Variants in LMBR1 observed in about 807,000 individuals in gnomAD.
LMBR1 encodes limb region 1 protein homolog.
Under a neutral mutation model 73.9 loss-of-function variants are expected in LMBR1, and 52 were observed. The observed-to-expected ratio is 0.70, with a 90% confidence interval of 0.56 to 0.89. The LOEUF is 0.89. Ranked by LOEUF, LMBR1 falls within the 40% of genes least tolerant of loss-of-function variation. LMBR1 has a pLI of 0.00. For synonymous variants in LMBR1, 215 were observed against 209.4 expected (o/e 1.03, Z -0.23); for missense variants, 539 against 579.8 (o/e 0.93, Z 0.72).
Position 156,685,283 on chromosome 7 carries a change from T to G in LMBR1, c.1388-1120A>C, listed in dbSNP as rs1327161013. 6.6e-6 allele frequency among the ~76,000 whole-genome samples: 1 copy of G among 152,224 alleles called. No individual in the cohort carries two copies. The highest frequency in any genetic ancestry group is 2.4e-5 in the African/African-American group (1 of 41,452). On this transcript the variant is annotated intron_variant, in intron 16 of 16. Transcript: ENST00000353442. This position sits in a 1 kb window ranked among gnomAD's most constrained non-coding sequence, Gnocchi z 4.1. ...AAAGGGCAGAAGAAAATGTAAGAGC[T>G]TCTGTGGCACTGGAGCGTCAAGCAC...
intron 1 of LMBR1, among the ~76,000 whole-genome samples, chr7:156,891,206 AAAAAAAT>A (rs1229050063): frequency 1.4e-4 from 13 of 93,766 alleles, no homozygotes; most frequent in African/African-American, 6.1e-4. Flanking sequence ...AAAAAAAAAA[AAAAAAAT>A]ATATATATAT....
intron 4 of LMBR1, among the ~76,000 whole-genome samples, chr7:156,816,932 T>C (rs1834004151): frequency 6.6e-6 from 1 of 152,160 alleles, no homozygotes; most frequent in Non-Finnish European, 1.5e-5. Flanking sequence ...ATTTGTAAAA[T>C]AAATATTAAT....
At chr7:156,820,842 C>T (rs1834671676) in intron 4 of LMBR1, among the ~76,000 whole-genome samples, 2 of 152,200 alleles carry the variant, frequency 1.3e-5, no homozygotes, top group African/African-American at 4.8e-5. Context: ...GCTGCTCTGC[C>T]TCCTGGGCCA....
intron 1 of LMBR1, among the ~76,000 whole-genome samples, chr7:156,843,693 A>T (rs761575116): frequency 1.3e-5 from 2 of 151,818 alleles, no homozygotes; most frequent in Non-Finnish European, 2.9e-5. Context: ...AAAATTAGCC[A>T]GGTGTGGTGG....
At chr7:156,884,425 A>G (rs1031482012) in intron 1 of LMBR1, among the ~76,000 whole-genome samples, 4 of 152,174 alleles carry the variant, frequency 2.6e-5, no homozygotes, top group Admixed American at 6.5e-5. Flanking sequence ...TCCAAATCAC[A>G]GAAATGACCA....
chr7:156,674,072 C>T (rs34768691), downstream of LMBR1, among the ~76,000 whole-genome samples: 878 of 152,312 alleles, frequency 5.8e-3, 5 homozygotes, highest in Non-Finnish European at 8.1e-3. Flanking sequence ...TGCTTCAAGC[C>T]GGATTCCATG....
In LMBR1 at chr7:156,784,001, T is replaced by G. The variant is rs1478096246; in HGVS notation, c.423+12388A>C. On this transcript the variant is annotated intron_variant, in intron 5 of 16. Coordinates refer to ENST00000353442, the MANE Select transcript of LMBR1 (RefSeq NM_022458.4). ...TTGTTATTTTGGGTTTTTTTCTGTT[T>G]TTTTTTTTTTTACAGCATCACACTA... is the stretch of plus-strand genomic sequence containing the variant. Among the ~76,000 whole-genome samples, 5 of 150,396 alleles carry G rather than the reference T, an allele frequency of 3.3e-5. No individual in the cohort carries two copies. In the South Asian group the frequency reaches 1.0e-3, roughly 31 times the overall value.
chr7:156,802,720 A>C (rs566691869), intron 4 of LMBR1, among the ~76,000 whole-genome samples: 2 of 152,234 alleles, frequency 1.3e-5, no homozygotes, highest in South Asian at 4.1e-4. Flanking sequence ...GAACATAAAC[A>C]CATCCATCAC....
chr7:156,696,715 C>T (rs567358817), intron 15 of LMBR1, among the ~76,000 whole-genome samples: 1 of 152,280 alleles, frequency 6.6e-6, no homozygotes, highest in East Asian at 1.9e-4. Flanking sequence ...CCACTGAATC[C>T]CTCCCACAGC....
At chr7:156,745,638 A>C (rs890858615) in intron 9 of LMBR1, among the ~76,000 whole-genome samples, 1 of 152,234 alleles carries the variant, frequency 6.6e-6, no homozygotes, top group African/African-American at 2.4e-5. Flanking sequence ...CCTTTGCAAC[A>C]CAGGGGCAAA....
At chr7:156,703,525 G>A (rs117611073) in intron 15 of LMBR1, among the ~76,000 whole-genome samples, 3,325 of 152,198 alleles carry the variant, frequency 0.022, 65 homozygotes, top group Middle Eastern at 0.048. Context: ...AACAAGGGAG[G>A]GAGCACTCCA....
chr7:156,872,479 C>G (rs938010909), intron 1 of LMBR1, among the ~76,000 whole-genome samples: 1 of 151,938 alleles, frequency 6.6e-6, no homozygotes, highest in Non-Finnish European at 1.5e-5. Context: ...GAAACCCCAT[C>G]TCTACTAAAA....
At chr7:156,816,278 T>C (rs901769953) in intron 4 of LMBR1, among the ~76,000 whole-genome samples, 1 of 152,152 alleles carries the variant, frequency 6.6e-6, no homozygotes, top group Non-Finnish European at 1.5e-5. Flanking sequence ...CAATCTTGGC[T>C]CACTGCAGCC....
intron 4 of LMBR1, among the ~76,000 whole-genome samples, chr7:156,817,403 T>C (rs963201682): frequency 1.3e-5 from 2 of 152,002 alleles, no homozygotes; most frequent in Admixed American, 1.3e-4. Context: ...CAACAAAGCA[T>C]AAGGCTTAGA....
chr7:156,723,105 C>T (rs1814958200), intron 15 of LMBR1, among the ~76,000 whole-genome samples: 1 of 152,010 alleles, frequency 6.6e-6, no homozygotes, highest in Non-Finnish European at 1.5e-5. Flanking sequence ...CTATTACACA[C>T]ACCAGTTTTT....
intron 1 of LMBR1, among the ~76,000 whole-genome samples, chr7:156,873,190 CAG>C (rs1238784626): frequency 2.0e-5 from 3 of 151,960 alleles, no homozygotes; most frequent in Non-Finnish European, 4.4e-5. Flanking sequence ...CAGATGTGTT[CAG>C]AGTTTCTTCC....
Position 156,669,261 on chromosome 7 carries a change from G to GCTGCAGGGCACGCTTC in LMBR1, n.877_892dup, listed in dbSNP as rs796140919. The GCTGCAGGGCACGCTTC allele has an allele frequency of 2.2e-4, 34 of 152,390 alleles. No homozygotes were observed. Among genetic ancestry groups the GCTGCAGGGCACGCTTC allele is most frequent in the African/African-American group, 7.7e-4 (32 of 41,586 alleles). 9.4% of individuals were successfully genotyped at this position (152,390 alleles called of 1,614,324 possible). On this transcript the variant is annotated non_coding_transcript_exon_variant, in exon 5 of 5. Coordinates refer to the LMBR1 transcript ENST00000430825. This position sits in a 1 kb window ranked among gnomAD's most constrained non-coding sequence, Gnocchi z 4.2. ...GAGGCCGCTCGGGTGGTTCGCGCCT[G>GCTGCAGGGCACGCTTC]CTGCAGGGCACGCTTCCTGCAGGGA...
intron 5 of LMBR1, among the ~76,000 whole-genome samples, chr7:156,782,417 G>A (rs908822539): frequency 2.0e-5 from 3 of 152,028 alleles, no homozygotes; most frequent in Non-Finnish European, 4.4e-5. Flanking sequence ...CAGCTCTTCC[G>A]TTTTACCTTT....
At chr7:156,802,264 T>C (rs746018819) in intron 4 of LMBR1, among the ~76,000 whole-genome samples, 2 of 152,252 alleles carry the variant, frequency 1.3e-5, no homozygotes, top group Non-Finnish European at 2.9e-5. Context: ...ATTACAGGCA[T>C]GGGCCACCAC....
Sources: allele counts gnomAD v4.1 joint callset (sites outside exome capture counted in the v4.1 genomes callset), GRCh38; gene constraint gnomAD v4.1.1; non-coding constraint Gnocchi (gnomAD v3.1); transcripts MANE v1.5; gene names NCBI Gene and HGNC (gene_info 2026-07-23, HGNC 2026-07-21).